Variants in CSGALNACT1 observed in about 807,000 individuals in gnomAD.
CSGALNACT1 encodes the protein chondroitin sulfate N-acetylgalactosaminyltransferase 1, also known as beta4GalNAcT-1.
Under a neutral mutation model 51.0 loss-of-function variants are expected in CSGALNACT1, and 52 were observed. The observed-to-expected ratio is 1.02, with a 90% CI of 0.82 to 1.29. The LOEUF (loss-of-function observed/expected upper bound fraction) is 1.29. Ranked by LOEUF, CSGALNACT1 falls within the 50% of genes most tolerant of loss-of-function variation. CSGALNACT1 has a pLI of 0.00. For synonymous variants in CSGALNACT1, 341 were observed against 254.4 expected (o/e 1.34, Z -3.24); for missense variants, 935 against 679.2 (o/e 1.38, Z -4.19).
intron 1 of CSGALNACT1, among the ~76,000 whole-genome samples, chr8:19,706,980 T>A (rs896477974): frequency 4.6e-5 from 7 of 152,016 alleles, no homozygotes; most frequent in Admixed American, 2.0e-4. Flanking sequence ...CTAAAAATAT[T>A]TCACATAAGG....
intron 2 of CSGALNACT1, among the ~76,000 whole-genome samples, chr8:19,592,070 A>T (rs1193577568): frequency 6.6e-6 from 1 of 152,204 alleles, no homozygotes; most frequent in African/African-American, 2.4e-5. Context: ...AAAAGAAAAA[A>T]AAAGATTGTG....
intron 3 of CSGALNACT1, among the ~76,000 whole-genome samples, chr8:19,540,004 G>C (rs1349969777): frequency 6.6e-6 from 1 of 152,108 alleles, no homozygotes; most frequent in Non-Finnish European, 1.5e-5. Context: ...TAGTCAACTA[G>C]TTAGTGGAGG....
chr8:19,618,967 C>T (rs942472098), intron 1 of CSGALNACT1, among the ~76,000 whole-genome samples: 2 of 152,022 alleles, frequency 1.3e-5, no homozygotes, highest in Non-Finnish European at 2.9e-5. Flanking sequence ...CTCTCATGCC[C>T]CCTTCCTCCA....
At chr8:19,455,852 G>A (rs557600818) in intron 5 of CSGALNACT1, among the ~76,000 whole-genome samples, 21 of 152,140 alleles carry the variant, frequency 1.4e-4, no homozygotes, top group Non-Finnish European at 2.8e-4. Context: ...AGTAGGCACC[G>A]CATCTTCAAT....
intron 3 of CSGALNACT1, among the ~76,000 whole-genome samples, chr8:19,529,986 T>C (rs1563918993): frequency 6.6e-6 from 1 of 152,102 alleles, no homozygotes. Context: ...TTAGGAAGGC[T>C]GAGGTGAGCT....
chr8:19,700,680 C>G (rs1212179536), intron 1 of CSGALNACT1, among the ~76,000 whole-genome samples: 4 of 152,178 alleles, frequency 2.6e-5, no homozygotes, highest in African/African-American at 4.8e-5. Flanking sequence ...TCCTTCCTCT[C>G]TTGAACAAAC....
chr8:19,643,037 G>A (rs1413705413), intron 1 of CSGALNACT1, among the ~76,000 whole-genome samples: 1 of 152,008 alleles, frequency 6.6e-6, no homozygotes, highest in Non-Finnish European at 1.5e-5. Flanking sequence ...TTTCTAAAAT[G>A]ATGGCAGGAA....
chr8:19,561,684 G>C (rs1392366506), intron 3 of CSGALNACT1, among the ~76,000 whole-genome samples: 1 of 152,230 alleles, frequency 6.6e-6, no homozygotes, highest in Non-Finnish European at 1.5e-5. Context: ...GGCATACAGA[G>C]AATGATTCTT....
At chr8:19,458,303 G>T (rs967255033) in intron 5 of CSGALNACT1, 123 bp downstream of exon 4, 24 of 892,212 alleles carry the variant, frequency 2.7e-5, no homozygotes, top group African/African-American at 4.9e-5. Context: ...GGAGAAAACA[G>T]AGCTGAATAA....
chr8:19,406,945 G>A (rs1055575582), intron 9 of CSGALNACT1, among the ~76,000 whole-genome samples: 1 of 152,230 alleles, frequency 6.6e-6, no homozygotes, highest in Non-Finnish European at 1.5e-5. Context: ...CTGGCCTCAA[G>A]TGATCTGCCC....
intron 3 of CSGALNACT1, among the ~76,000 whole-genome samples, chr8:19,568,556 A>G (rs2042354972): frequency 6.6e-6 from 1 of 152,204 alleles, no homozygotes; most frequent in Admixed American, 6.5e-5. Flanking sequence ...CATACTCAGT[A>G]CTATATTAAC....
At chr8:19,566,900 G>A (rs1447381118) in intron 3 of CSGALNACT1, among the ~76,000 whole-genome samples, 1 of 152,156 alleles carries the variant, frequency 6.6e-6, no homozygotes, top group Non-Finnish European at 1.5e-5. Context: ...AAAGGCAAAG[G>A]TTCTCAAGGG....
chr8:19,595,444 T>C (rs1021376338), intron 2 of CSGALNACT1, among the ~76,000 whole-genome samples: 1 of 152,196 alleles, frequency 6.6e-6, no homozygotes, highest in Non-Finnish European at 1.5e-5. Flanking sequence ...TACAACTCTT[T>C]ATTAAAACAT....
At position 19,506,111 on chromosome 8, in the gene CSGALNACT1, A is replaced by C. The variant is rs1186330795; in HGVS notation, c.-277T>G. The C allele has an allele frequency of 1.4e-5, 9 of 631,790 alleles. No individual in the cohort carries two copies. The Admixed American group carries it at 1.9e-4, about 13-fold the overall frequency. 39.1% of individuals were successfully genotyped at this position (631,790 alleles called of 1,614,324 possible). A position where few individuals can be genotyped will look rare whatever the true frequency, so the allele number is the denominator to read the frequency against. ...TCCCATCACAGCCTTCCTGATGTGC[A>C]GCCAACAGCAAGAGGGGACCTGGGA... On this transcript the variant is annotated 5_prime_UTR_variant, in exon 4 of 10. Coordinates refer to ENST00000454498, the Ensembl canonical transcript of CSGALNACT1.
chr8:19,695,064 G>C (rs2061518560), intron 1 of CSGALNACT1, among the ~76,000 whole-genome samples: 1 of 152,164 alleles, frequency 6.6e-6, no homozygotes, highest in Admixed American at 6.5e-5. Flanking sequence ...TGGATGCTGA[G>C]AGATTCTAGT....
At chr8:19,563,483 A>T (rs7004016) in intron 3 of CSGALNACT1, among the ~76,000 whole-genome samples, 22,037 of 152,092 alleles carry the variant, frequency 0.14, 2,196 homozygotes, top group African/African-American at 0.29. Context: ...CTGGCAAGTC[A>T]TGGCTGACCT....
At chr8:19,662,405 A>G (rs1450354932) in intron 1 of CSGALNACT1, among the ~76,000 whole-genome samples, 1 of 152,168 alleles carries the variant, frequency 6.6e-6, no homozygotes, top group East Asian at 1.9e-4. Context: ...AAAATATCTG[A>G]AATCCAGCAA....
chr8:19,543,963 T>G (rs10282948), intron 3 of CSGALNACT1, among the ~76,000 whole-genome samples: 44,612 of 152,072 alleles, frequency 0.29, 7,077 homozygotes, highest in African/African-American at 0.43. Flanking sequence ...AAATTCTTCC[T>G]GATCAGCTTA....
rs202131668 is a variant in CSGALNACT1, at chr8:19,505,717, C to T, written c.118G>A (p.Glu40Lys). Residue 40 changes from glutamate to lysine, a missense_variant, in exon 4 of 10, where the codon GAG (glutamate) becomes AAG (lysine). Coordinates refer to ENST00000454498, the Ensembl canonical transcript of CSGALNACT1. Reference sequence around the variant, plus strand: ...GCCCTGGGCAGTGCCAGCTGCTCCTCGTCACCTTTTGGGGTGCAGGCCAAC... The same window carrying T: ...GCCCTGGGCAGTGCCAGCTGCTCCTTGTCACCTTTTGGGGTGCAGGCCAAC... 30 of 1,614,190 alleles carry T rather than the reference C, an allele frequency of 1.9e-5. No individual in the cohort carries two copies. The highest frequency in any genetic ancestry group is 8.8e-5 in the South Asian group (8 of 91,080).
Sources: gnomAD v4.1 joint callset for allele counts (sites outside exome capture counted in the v4.1 genomes callset) on GRCh38, gnomAD v4.1.1 for gene constraint, MANE v1.5 for transcripts, NCBI Gene and HGNC (gene_info 2026-07-23, HGNC 2026-07-21) for gene names.